Variants in LARGE1 observed in about 807,000 individuals in gnomAD.
The protein encoded by LARGE1 is xylosyl- and glucuronyltransferase LARGE1.
A neutral mutation model predicts 87.6 loss-of-function variants in LARGE1; 43 were observed. The ratio of observed to expected loss-of-function variants is 0.49; its 90% CI spans 0.38 to 0.63. LARGE1 has a LOEUF of 0.63. LARGE1 is among the 30% of genes least tolerant of loss of function. The pLI, the probability that LARGE1 is intolerant of heterozygous loss-of-function variation, is 0.00. For synonymous variants in LARGE1, 434 were observed against 394.6 expected (o/e 1.10, Z -1.18); for missense variants, 802 against 1,000.2 (o/e 0.80, Z 2.67).
chr22:33,069,984 A>G, the LARGE1 span, among the ~76,000 whole-genome samples: 1 of 152,028 alleles, frequency 6.6e-6, no homozygotes, highest in African/African-American at 2.4e-5. Flanking sequence ...GCCATCGCAC[A>G]CCGCTAATTT....
At chr22:33,545,920 C>T (rs1415495668) in intron 6 of LARGE1, among the ~76,000 whole-genome samples, 1 of 152,194 alleles carries the variant, frequency 6.6e-6, no homozygotes, top group Non-Finnish European at 1.5e-5. Context: ...GCATTTGATT[C>T]TGCTGTTGTG....
chr22:33,879,958 C>T (rs1187466792), intron 1 of LARGE1, among the ~76,000 whole-genome samples: 1 of 152,152 alleles, frequency 6.6e-6, no homozygotes, highest in African/African-American at 2.4e-5. Context: ...TACCTTTTTC[C>T]CAACCTGCTT....
At chr22:33,602,380 C>T (rs1431528656) in intron 5 of LARGE1, among the ~76,000 whole-genome samples, 1 of 151,934 alleles carries the variant, frequency 6.6e-6, no homozygotes, top group Non-Finnish European at 1.5e-5. Context: ...CATCATAATG[C>T]ATACCACTAC....
intron 5 of LARGE1, among the ~76,000 whole-genome samples, chr22:33,588,400 G>C (rs2078739850): frequency 6.6e-6 from 1 of 152,200 alleles, no homozygotes; most frequent in African/African-American, 2.4e-5. Context: ...AGCTCTAGAA[G>C]AAAGATGAGG....
chr22:33,357,397 G>C (rs1348925917), intron 9 of LARGE1, among the ~76,000 whole-genome samples: 2 of 152,060 alleles, frequency 1.3e-5, no homozygotes, highest in African/African-American at 4.8e-5. Context: ...TTACGTAATG[G>C]GTACAATGTA....
chr22:33,833,027 G>C (rs973971804), intron 1 of LARGE1, among the ~76,000 whole-genome samples: 3 of 152,260 alleles, frequency 2.0e-5, no homozygotes, highest in East Asian at 3.9e-4. Context: ...TTCATCCTTC[G>C]GGAGAACTGC....
intron 7 of LARGE1, among the ~76,000 whole-genome samples, chr22:33,398,714 G>C (rs1239141280): frequency 6.6e-6 from 1 of 152,156 alleles, no homozygotes; most frequent in South Asian, 2.1e-4. Flanking sequence ...GTCAACATGA[G>C]GTCATAGTGG....
At chr22:33,256,501 T>C (rs1354817035) in intron 11 of LARGE1, among the ~76,000 whole-genome samples, 1 of 152,210 alleles carries the variant, frequency 6.6e-6, no homozygotes, top group Non-Finnish European at 1.5e-5. Context: ...ATTAATCTCT[T>C]TTCTGGATAG....
chr22:33,368,671 G>GAT (rs977032225), intron 9 of LARGE1, among the ~76,000 whole-genome samples: 3 of 151,896 alleles, frequency 2.0e-5, no homozygotes, highest in Non-Finnish European at 2.9e-5. Context: ...TATTTGGACA[G>GAT]ATATATATAC....
At chr22:33,462,261 A>C (rs979290571) in intron 6 of LARGE1, among the ~76,000 whole-genome samples, 1 of 152,212 alleles carries the variant, frequency 6.6e-6, no homozygotes, top group Non-Finnish European at 1.5e-5. Context: ...AGAGAAAATA[A>C]GTGTCAACCA....
intron 9 of LARGE1, among the ~76,000 whole-genome samples, chr22:33,364,181 A>C (rs1419038089): frequency 6.6e-6 from 1 of 151,978 alleles, no homozygotes; most frequent in Admixed American, 6.5e-5. Context: ...CAGCCTCCCG[A>C]GTAGCTGGGA....
At chr22:33,099,660 T>A in the LARGE1 span, among the ~76,000 whole-genome samples, 1 of 152,240 alleles carries the variant, frequency 6.6e-6, no homozygotes, top group Non-Finnish European at 1.5e-5. Context: ...TGTTTCCTAA[T>A]AAGGTTTGAT....
chr22:33,618,888 T>G (rs763807807), intron 4 of LARGE1, among the ~76,000 whole-genome samples: 3 of 152,214 alleles, frequency 2.0e-5, no homozygotes, highest in Non-Finnish European at 4.4e-5. Context: ...CCTTTCCTAA[T>G]CGGTTTTCTA....
intron 9 of LARGE1, 148 bp from the exon 10 acceptor site, chr22:33,337,949 G>C (rs1310302074): frequency 3.5e-6 from 3 of 863,282 alleles, no homozygotes; most frequent in Non-Finnish European, 5.4e-6. Context: ...GAGTGGTTAA[G>C]GGTAGGGGCT....
intron 6 of LARGE1, among the ~76,000 whole-genome samples, chr22:33,453,084 A>G (rs1036876059): frequency 2.0e-5 from 3 of 152,222 alleles, no homozygotes; most frequent in Admixed American, 6.5e-5. Context: ...CATCATCTCT[A>G]CAGACAGGTT....
intron 6 of LARGE1, among the ~76,000 whole-genome samples, chr22:33,479,173 T>C (rs771414934): frequency 6.6e-5 from 10 of 152,210 alleles, no homozygotes; most frequent in Non-Finnish European, 1.3e-4. Flanking sequence ...ATGCACCCCT[T>C]GATGCTGCCC....
chr22:33,440,413 C>T (rs1336952375), intron 6 of LARGE1, among the ~76,000 whole-genome samples: 2 of 152,134 alleles, frequency 1.3e-5, no homozygotes, highest in African/African-American at 4.8e-5. Context: ...CCTGGGCACA[C>T]AGAGGAAGTC....
chr22:33,104,891 CTTTCTTTCTTTCTT>C, the LARGE1 span, among the ~76,000 whole-genome samples: 99 of 45,880 alleles, frequency 2.2e-3, no homozygotes, highest in African/African-American at 8.5e-3. Context: ...CTTTCTCTCT[CTTTCTTTCTTTCTT>C]TCTTTCTTTC....
intron 5 of LARGE1, among the ~76,000 whole-genome samples, chr22:33,591,819 C>T (rs889300578): frequency 8.6e-6 from 1 of 116,102 alleles, no homozygotes; most frequent in African/African-American, 3.3e-5. Flanking sequence ...TCAACACGGG[C>T]AATATAGCAA....
Sources: gnomAD v4.1 joint callset for allele counts (sites outside exome capture counted in the v4.1 genomes callset) on GRCh38, gnomAD v4.1.1 for gene constraint, MANE v1.5 for transcripts, NCBI Gene and HGNC (gene_info 2026-07-23, HGNC 2026-07-21) for gene names.